TRIO: variants seen among roughly 807,000 people sequenced by gnomAD.
TRIO encodes trio Rho guanine nucleotide exchange factor.
A neutral mutation model predicts 351.9 loss-of-function variants in TRIO; 58 were observed. The ratio of observed to expected loss-of-function variants is 0.16; its 90% CI spans 0.13 to 0.21. The LOEUF is 0.21. TRIO is among the 10% of genes least tolerant of loss of function. TRIO has a pLI of 1.00. For synonymous variants in TRIO, 1,758 were observed against 1,595.7 expected (o/e 1.10, Z -2.42); for missense variants, 3,201 against 4,027.8 (o/e 0.79, Z 5.56).
intron 37 of TRIO, among the ~76,000 whole-genome samples, chr5:14,466,641 T>C (rs1754282504): frequency 2.0e-5 from 3 of 152,238 alleles, no homozygotes; most frequent in Non-Finnish European, 4.4e-5. Context: ...TAAAAGCAGC[T>C]CCTCCCAAAG....
At position 14,389,375 on chromosome 5, in the gene TRIO, A is replaced by G. The variant is rs1212828567; in HGVS notation, c.4035A>G (p.Gln1345=). 6.8e-6 allele frequency: 11 copies of G among 1,610,886 alleles called. No individual in the cohort carries two copies. The highest frequency in any genetic ancestry group is 4.0e-5 in the African/African-American group (3 of 74,566). ...NKELIIFGNM[Q]EIYEFHNNIF... ...AACTCATCATCTTCGGAAACATGCA[A>G]GAAATCTACGAATTTCATAATAAGT... Residue 1345 remains glutamine (Q), a synonymous_variant, in exon 25 of 57, where the codon CAA becomes CAG. Transcript: ENST00000344204.
At chr5:14,194,848 C>A (rs1261644655) in intron 1 of TRIO, among the ~76,000 whole-genome samples, 3 of 152,192 alleles carry the variant, frequency 2.0e-5, no homozygotes, top group Admixed American at 6.5e-5. Flanking sequence ...TTTCTATATA[C>A]CTTTTACCCA....
intron 2 of TRIO, among the ~76,000 whole-genome samples, chr5:14,278,136 A>G (rs186607681): frequency 1.3e-5 from 2 of 152,182 alleles, no homozygotes; most frequent in Non-Finnish European, 2.9e-5. Flanking sequence ...AAGTCTTAGG[A>G]TACTGCTCAC....
At chr5:14,302,102 A>C (rs982394293) in intron 7 of TRIO, among the ~76,000 whole-genome samples, 1 of 152,214 alleles carries the variant, frequency 6.6e-6, no homozygotes, top group African/African-American at 2.4e-5. Flanking sequence ...AGTTCTAATT[A>C]CAGGAATATG....
chr5:14,429,720 A>G (rs897442969), intron 34 of TRIO, among the ~76,000 whole-genome samples: 4 of 152,256 alleles, frequency 2.6e-5, no homozygotes, highest in Non-Finnish European at 4.4e-5. Flanking sequence ...GAAGCGGTAT[A>G]AACTGAGAAG....
chr5:14,457,785 G>T (rs577862627), intron 34 of TRIO, among the ~76,000 whole-genome samples: 1 of 152,076 alleles, frequency 6.6e-6, no homozygotes, highest in African/African-American at 2.4e-5. Context: ...GCCCTTTTCC[G>T]AGAGCACGCC....
intron 1 of TRIO, among the ~76,000 whole-genome samples, chr5:14,224,300 T>G (rs970740291): frequency 7.9e-5 from 12 of 152,118 alleles, no homozygotes; most frequent in African/African-American, 2.9e-4. Context: ...AAAATAATTT[T>G]TAATAATTTT....
intron 7 of TRIO, among the ~76,000 whole-genome samples, chr5:14,300,020 T>G (rs962359531): frequency 6.6e-6 from 1 of 152,248 alleles, no homozygotes; most frequent in African/African-American, 2.4e-5. Flanking sequence ...CATAGATGTG[T>G]CAGCCAGTCT....
chr5:14,340,124 G>T (rs1204633888), intron 11 of TRIO, among the ~76,000 whole-genome samples: 1 of 152,138 alleles, frequency 6.6e-6, no homozygotes, highest in African/African-American at 2.4e-5. Flanking sequence ...GCTGGGCGTG[G>T]TGATTCACGC....
rs1435067850 is a variant in TRIO, at chr5:14,388,608, T to C, written c.3882-5T>C. The C allele has an allele frequency of 1.2e-6, 2 of 1,613,504 alleles. No individual in the cohort carries two copies. Among genetic ancestry groups the C allele is most frequent in the South Asian group, 2.2e-5 (2 of 90,994 alleles). On this transcript the variant is annotated splice_region_variant and splice_polypyrimidine_tract_variant and intron_variant, in intron 23 of 56. Transcript: ENST00000344204. ...TGTACTCCTCACTGTCTTCCTCTCT[T>C]TAAGGTTCATAATGGCTGAGCTCAT...
chr5:14,350,967 C>T (rs1007546523), intron 11 of TRIO, among the ~76,000 whole-genome samples: 2 of 152,112 alleles, frequency 1.3e-5, no homozygotes, highest in African/African-American at 2.4e-5. Flanking sequence ...ACCTGGATTC[C>T]TCGCATGCAC....
At chr5:14,344,492 T>A (rs966441348) in intron 11 of TRIO, among the ~76,000 whole-genome samples, 12 of 152,218 alleles carry the variant, frequency 7.9e-5, no homozygotes, top group African/African-American at 2.2e-4. Context: ...CTCAACTTCC[T>A]TAGCTACAAT....
At chr5:14,455,071 C>T (rs368501797) in intron 34 of TRIO, among the ~76,000 whole-genome samples, 10 of 152,078 alleles carry the variant, frequency 6.6e-5, no homozygotes, top group South Asian at 2.1e-4. Context: ...CAGACCTTCG[C>T]GGTGAGTGTT....
intron 2 of TRIO, among the ~76,000 whole-genome samples, chr5:14,279,607 G>T (rs1291380946): frequency 6.6e-6 from 1 of 152,192 alleles, no homozygotes; most frequent in Non-Finnish European, 1.5e-5. Context: ...ATACCAAGCT[G>T]ACTTCATTAG....
At position 14,232,505 on chromosome 5, in the gene TRIO, C is replaced by T. The variant is rs564805921; in HGVS notation, c.158-38320C>T. 5.9e-5 allele frequency among the ~76,000 whole-genome samples: 9 copies of T among 152,280 alleles called. 1 individual carries two copies. The South Asian group carries it at 1.9e-3, about 32-fold the overall frequency. On this transcript the variant is annotated intron_variant, in intron 1 of 56. Coordinates refer to ENST00000344204, the MANE Select transcript of TRIO (RefSeq NM_007118.4). ...TTTGTTGCTCTGTTTGTCTGGTGTC[C>T]TGGACTCTAAGCTCCGCAAGGGCAG...
chr5:14,191,327 T>A (rs1790444816), intron 1 of TRIO, among the ~76,000 whole-genome samples: 1 of 152,200 alleles, frequency 6.6e-6, no homozygotes. Context: ...GCACAGTGGC[T>A]GCACTTGTAA....
chr5:14,387,296 A>G lies in TRIO; in HGVS notation c.3571-142A>G, dbSNP rs188419450. The G allele has an allele frequency of 1.5e-4, 110 of 720,392 alleles. No individual in the cohort carries two copies. In the East Asian group the frequency reaches 2.9e-3, roughly 19 times the overall value. The allele number at this position is 720,392 out of a possible 1,614,324, so 44.6% of individuals were successfully genotyped here. A position where few individuals can be genotyped will look rare whatever the true frequency, so the allele number is the denominator to read the frequency against. On this transcript the variant is annotated intron_variant, in intron 21 of 56. Transcript: ENST00000344204. ...GGAATCCGGGAGATGGAGTGGGTGG[A>G]CCTGGGGCTTTGGTCTCAGTTTCTA...
intron 49 of TRIO, 33 bp downstream of exon 49, chr5:14,492,847 G>T (rs1478876322): frequency 1.9e-6 from 3 of 1,605,018 alleles, no homozygotes; most frequent in Non-Finnish European, 2.6e-6. Flanking sequence ...GTCCTGGCAG[G>T]CAGCAGAGGG....
intron 34 of TRIO, among the ~76,000 whole-genome samples, chr5:14,428,235 T>C (rs2152395456): frequency 6.6e-6 from 1 of 152,304 alleles, no homozygotes; most frequent in East Asian, 1.9e-4. Flanking sequence ...GTCGAAAATA[T>C]CGTGATTCAG....
Sources: gnomAD v4.1 joint callset for allele counts (sites outside exome capture counted in the v4.1 genomes callset) on GRCh38, gnomAD v4.1.1 for gene constraint, MANE v1.5 for transcripts, NCBI Gene and HGNC (gene_info 2026-07-23, HGNC 2026-07-21) for gene names.